Variants in PRRC2A observed in about 807,000 individuals in gnomAD.
PRRC2A encodes the protein protein PRRC2A.
Under a neutral mutation model 224.6 loss-of-function variants are expected in PRRC2A, and 59 were observed. That is an observed-to-expected ratio of 0.26 (90% CI 0.21 to 0.33). PRRC2A has a LOEUF of 0.33. PRRC2A is among the 10% of genes least tolerant of loss of function. The probability of loss-of-function intolerance (pLI) is 1.00; values close to 1 mark genes in which losing one functional copy is unlikely to be tolerated. For missense variants in PRRC2A, 3,095 were observed against 2,880.7 expected, an observed-to-expected ratio of 1.07 and a Z score of -1.70; for synonymous variants, 1,194 against 1,109.5, an observed-to-expected ratio of 1.08 and a Z score of -1.51.
At position 31,635,381 on chromosome 6, in the gene PRRC2A, C is replaced by A. The variant is rs753750251; in HGVS notation, c.5302-13C>A. 1 of 1,614,098 alleles carries A rather than the reference C, an allele frequency of 6.2e-7. No homozygotes were observed. The highest frequency in any genetic ancestry group is 1.7e-5 in the Admixed American group (1 of 60,006). On this transcript the variant is annotated splice_polypyrimidine_tract_variant and intron_variant, in intron 22 of 30. Transcript: ENST00000376033. ...GTCACGGGACAATGTCTCCTGCCTT[C>A]TTGTGATCACAGGACTCAGACTTAC... is the stretch of plus-strand genomic sequence containing the variant.
At position 31,637,431 on chromosome 6, in the gene PRRC2A, A is replaced by G. The variant is rs1374159938; in HGVS notation, c.6334-15A>G. 3.1e-6 allele frequency: 5 copies of G among 1,592,100 alleles called. No individual in the cohort carries two copies. The highest frequency in any genetic ancestry group is 3.4e-4 in the Middle Eastern group (2 of 5,964). On this transcript the variant is annotated splice_polypyrimidine_tract_variant and intron_variant, in intron 30 of 30. Coordinates refer to ENST00000376033, the MANE Select transcript of PRRC2A (RefSeq NM_004638.4). Reference sequence around the variant, plus strand: ...CTCACTGTGACTCACTGTTTAACACATGCCTGTCCCCTAGGCCTCCCCACC... The same window carrying G: ...CTCACTGTGACTCACTGTTTAACACGTGCCTGTCCCCTAGGCCTCCCCACC...
At position 31,624,364 on chromosome 6, in the gene PRRC2A, C is replaced by T. The variant is rs754143409; in HGVS notation, c.390+4C>T. Reference sequence around the variant, plus strand: ...ACGACCCCCAGCAGCCCCCGAGGTACCTGGAGAACTGGAGGGGTGGGGAGG... The same window carrying T: ...ACGACCCCCAGCAGCCCCCGAGGTATCTGGAGAACTGGAGGGGTGGGGAGG... On this transcript the variant is annotated splice_donor_region_variant and intron_variant, in intron 4 of 30. Transcript: ENST00000376033. The T allele has an allele frequency of 1.2e-6, 2 of 1,613,454 alleles. No individual in the cohort carries two copies. Among genetic ancestry groups the T allele is most frequent in the Admixed American group, 1.7e-5 (1 of 60,020 alleles).
Position 31,630,904 on chromosome 6 carries a change from G to A in PRRC2A, c.2465+103G>A. On this transcript the variant is annotated intron_variant, in intron 15 of 30. Transcript: ENST00000376033. ...GGTAGGGATAGGGATGAACGGGAAA[G>A]GAGAGGCTGGATGGAGTGGCTCATG... The A allele has an allele frequency of 5.6e-6, 8 of 1,426,798 alleles. No individual in the cohort carries two copies. In the East Asian group the frequency reaches 1.7e-4, roughly 31 times the overall value. 88.4% of individuals were successfully genotyped at this position (1,426,798 alleles called of 1,614,324 possible).
At chr6:31,623,990 G>A (rs1420497280) in intron 3 of PRRC2A, 81 bp downstream of exon 3, 1 of 1,513,386 alleles carries the variant, frequency 6.6e-7, no homozygotes. Context: ...GTTTAGTCCA[G>A]CCACGTCTGA....
intron 5 of PRRC2A, chr6:31,624,771 C>T: frequency 1.7e-6 from 1 of 585,188 alleles, no homozygotes; most frequent in South Asian, 2.2e-5. Context: ...AGGCGGGAAA[C>T]CTGATGGTCT....
Position 31,629,232 on chromosome 6 carries a change from C to G in PRRC2A, c.1854C>G (p.Pro618=). Residue 618 remains proline, a synonymous_variant, in exon 13 of 31, where the codon CCC becomes CCG. Coordinates refer to ENST00000376033, the MANE Select transcript of PRRC2A (RefSeq NM_004638.4). ...CACCCCCAGTTCCAAAGGTGGAACC[C>G]AAGGGTGATGGGATTGGTCCCACCC... ...PTTPPVPKVE[P]KGDGIGPTRQ... The G allele has an allele frequency of 6.2e-7, 1 of 1,614,048 alleles. No individual in the cohort carries two copies. Among genetic ancestry groups the G allele is most frequent in the Non-Finnish European group, 8.5e-7 (1 of 1,179,958 alleles).
At chr6:31,629,986 A>T (rs1211901563) in intron 14 of PRRC2A, 141 bp downstream of exon 14, 1 of 1,375,194 alleles carries the variant, frequency 7.3e-7, no homozygotes, top group Non-Finnish European at 9.8e-7. Context: ...GGCACTGCTG[A>T]GATAGCTCTG....
At chr6:31,634,595 T>C in intron 20 of PRRC2A, 38 bp downstream of exon 20, 1 of 1,604,392 alleles carries the variant, frequency 6.2e-7, no homozygotes, top group African/African-American at 1.3e-5. Flanking sequence ...AGCTGGGACT[T>C]TTTTGAGCAC....
In PRRC2A at chr6:31,628,254, A is replaced by G; in HGVS notation, c.1765+15A>G. On this transcript the variant is annotated intron_variant, in intron 12 of 30. Coordinates refer to ENST00000376033, the MANE Select transcript of PRRC2A (RefSeq NM_004638.4). Reference sequence around the variant, plus strand: ...AGCCAGCCCAGGTATGGAGATGGGGATAGGTACTACCAGATGTCAGATCAC... The same window carrying G: ...AGCCAGCCCAGGTATGGAGATGGGGGTAGGTACTACCAGATGTCAGATCAC... 1.9e-6 allele frequency: 3 copies of G among 1,601,780 alleles called. No homozygotes were observed. In the Admixed American group the frequency reaches 5.0e-5, roughly 27 times the overall value.
chr6:31,621,093 C>G (rs1368608250), intron 1 of PRRC2A, among the ~76,000 whole-genome samples: 1 of 152,234 alleles, frequency 6.6e-6, no homozygotes. Flanking sequence ...CCCTAACCAC[C>G]CACCGTCTTG....
rs780727169 is a variant in PRRC2A at position 31,637,224 on chromosome 6, C to T, written c.6243-10C>T. The stretch of plus-strand genomic sequence containing the variant: ...TCCTAGGCTTGCCTTAGACGCCCTT[C>T]TTCCCTTAGGTCCTTCTCTGGCCTC... On this transcript the variant is annotated splice_polypyrimidine_tract_variant and intron_variant, in intron 29 of 30. Coordinates refer to ENST00000376033, the MANE Select transcript of PRRC2A (RefSeq NM_004638.4). 2 of 1,609,382 alleles carry T rather than the reference C, an allele frequency of 1.2e-6. No homozygotes were observed. The highest frequency in any genetic ancestry group is 2.2e-5 in the South Asian group (2 of 91,016).
In PRRC2A at chr6:31,629,319, C is replaced by G; in HGVS notation, c.1941C>G (p.Phe647Leu). 1.9e-6 allele frequency: 3 copies of G among 1,565,654 alleles called. No individual in the cohort carries two copies. Among genetic ancestry groups the G allele is most frequent in the Non-Finnish European group, 2.6e-6 (3 of 1,156,692 alleles). Residue 647 changes from phenylalanine (F) to leucine (L), a missense_variant, in exon 13 of 31, where the codon TTC (phenylalanine) becomes TTG (leucine). Physicochemically the swap from Phe to Leu is conservative, Grantham distance 22. This residue lies in a region of PRRC2A where 2,001 missense variants were observed against 1,764.9 expected (regional missense o/e 1.13). Transcript: ENST00000376033. ...ATCAGAAGTCGTTGCCTCCTCGTTT[C>G]CAGCGGCAGCAGCAGGTGAAATCAA... ...PKYQKSLPPR[F>L]QRQQQEQLLK...
Position 31,636,041 on chromosome 6 carries a change from C to T in PRRC2A, c.5616C>T (p.His1872=). Residue 1872 remains histidine (H), a synonymous_variant, in exon 25 of 31, where the codon CAC becomes CAT. Transcript: ENST00000376033. This position sits in a 1 kb window ranked among gnomAD's most constrained non-coding sequence, Gnocchi z 4.3. ...GGFRPGTPSL[H]PYRSQPLYLP... ...TCCGCCCTGGGACACCCTCACTGCA[C>T]CCTTACAGGTAAGACTCGATGCCTG... 2 of 1,611,270 alleles carry T rather than the reference C, an allele frequency of 1.2e-6. No homozygotes were observed. Among genetic ancestry groups the T allele is most frequent in the South Asian group, 1.1e-5 (1 of 91,000 alleles).
intron 14 of PRRC2A, 74 bp from the exon 15 acceptor site, chr6:31,630,517 A>AGG (rs34742289): frequency 6.6e-7 from 1 of 1,512,062 alleles, no homozygotes; most frequent in East Asian, 2.3e-5. Flanking sequence ...CTTGACCGCG[A>AGG]GGGGAGATGC....
At chr6:31,629,897 CATTGGAT>C (rs572089150) in intron 14 of PRRC2A, 52 bp downstream of exon 14, 7 of 1,601,190 alleles carry the variant, frequency 4.4e-6, no homozygotes, top group Non-Finnish European at 6.0e-6. Context: ...CAGTCTTAGG[CATTGGAT>C]ATTAGGGTCT....
chr6:31,631,679 T>C lies in PRRC2A; in HGVS notation c.3006T>C (p.Asn1002=). 3 of 1,512,686 alleles carry C rather than the reference T, an allele frequency of 2.0e-6. No individual in the cohort carries two copies. The highest frequency in any genetic ancestry group is 2.6e-6 in the Non-Finnish European group (3 of 1,132,280). The allele number at this position is 1,512,686 out of a possible 1,614,324, so 93.7% of individuals were successfully genotyped here. Reference sequence around the variant, plus strand: ...CCAAGGAGACCCCACCCAATGGAAATCTTTCCCCTGCCCCAAGGCTTCGGA... The same window carrying C: ...CCAAGGAGACCCCACCCAATGGAAACCTTTCCCCTGCCCCAAGGCTTCGGA... ...GGPKETPPNG[N]LSPAPRLRRD... Residue 1002 remains asparagine (N), a synonymous_variant, in exon 16 of 31, where the codon AAT becomes AAC. Coordinates refer to ENST00000376033, the MANE Select transcript of PRRC2A (RefSeq NM_004638.4). The surrounding 1 kb of genome is among the most constrained non-coding windows in gnomAD (Gnocchi z 4.5).
At chr6:31,622,406 A>G (rs1216859862) in intron 1 of PRRC2A, among the ~76,000 whole-genome samples, 4 of 152,176 alleles carry the variant, frequency 2.6e-5, no homozygotes, top group Non-Finnish European at 5.9e-5. Flanking sequence ...TGGAGAGAGA[A>G]GAGATTATTA....
chr6:31,632,907 A>T lies in PRRC2A; in HGVS notation c.4234A>T (p.Ser1412Cys), dbSNP rs1339253164. ...GGKAGSSGSS[S>C]GGGGGGPGGR... ...CAAGGCTGGCAGCAGTGGCAGCAGC[A>T]GTGGAGGAGGCGGTGGGGGTCCTGG... is the stretch of plus-strand genomic sequence containing the variant. The change falls in exon 16 of 31, where the codon AGT becomes TGT. Residue 1412 changes from serine (S) to cysteine (C), a missense_variant. Transcript: ENST00000376033. 1 of 1,612,682 alleles carries T rather than the reference A, an allele frequency of 6.2e-7. No homozygotes were observed. Among genetic ancestry groups the T allele is most frequent in the Non-Finnish European group, 8.5e-7 (1 of 1,179,870 alleles).
rs759335957 is a variant in PRRC2A, at chr6:31,636,707, A to T, written c.5935-26A>T. 1.4e-5 allele frequency: 22 copies of T among 1,604,826 alleles called. No individual in the cohort carries two copies. In the East Asian group the frequency reaches 4.7e-4, roughly 34 times the overall value. On this transcript the variant is annotated intron_variant, in intron 27 of 30. Transcript: ENST00000376033. This position sits in a 1 kb window ranked among gnomAD's most constrained non-coding sequence, Gnocchi z 4.3. ...TCTGACATTCCTCCCTGCCCCCAACATGCACACCCAAATTTCTTGTTACAG... is the reference window on the plus strand; with the variant it reads ...TCTGACATTCCTCCCTGCCCCCAACTTGCACACCCAAATTTCTTGTTACAG...
Sources: gnomAD v4.1 joint callset for allele counts (sites outside exome capture counted in the v4.1 genomes callset) on GRCh38, gnomAD v4.1.1 for gene constraint, gnomAD v4.1.1 regional missense constraint, Gnocchi (gnomAD v3.1) non-coding constraint, MANE v1.5 for transcripts, NCBI Gene and HGNC (gene_info 2026-07-23, HGNC 2026-07-21) for gene names.